The following SLC9C1 variants were observed in gnomAD, a reference collection of about 807,000 sequenced individuals.
SLC9C1 encodes the protein sodium/hydrogen exchanger 10.
A neutral mutation model predicts 140.9 loss-of-function variants in SLC9C1; 97 were observed. The ratio of observed to expected loss-of-function variants is 0.69; its 90% CI spans 0.58 to 0.82. The LOEUF is 0.82. Among genes scored for constraint, SLC9C1 ranks in the 40% least tolerant of loss-of-function variants. The pLI is 0.00. For synonymous variants in SLC9C1, 440 were observed against 442.6 expected (o/e 0.99, Z 0.07); for missense variants, 1,340 against 1,389.3 (o/e 0.96, Z 0.56).
At position 112,239,914 on chromosome 3, in the gene SLC9C1, T is replaced by G. The variant is rs766960199; in HGVS notation, c.1372A>C (p.Lys458Gln). The G allele has an allele frequency of 2.5e-5, 40 of 1,613,920 alleles. No homozygotes were observed. Among genetic ancestry groups the G allele is most frequent in the Non-Finnish European group, 3.2e-5 (38 of 1,179,968 alleles). Residue 458 changes from lysine (K) to glutamine (Q), a missense_variant, in exon 12 of 29, where the codon AAA becomes CAA. By Grantham distance (53) the Lys-to-Gln change is moderately conservative (BLOSUM62 1). Coordinates refer to ENST00000305815, the MANE Select transcript of SLC9C1 (RefSeq NM_183061.3). ...ELTKSAASAL[K>Q]FDKDLANADW... ...GCATTAGCAAGATCTTTGTCAAATT[T>G]AAGGGCAGAGGCTGCAGACTTGGTT...
Position 112,199,338 on chromosome 3 carries a change from C to A in SLC9C1, c.2506G>T (p.Gly836Cys). 1 of 1,576,710 alleles carries A rather than the reference C, an allele frequency of 6.3e-7. No homozygotes were observed. The highest frequency in any genetic ancestry group is 8.6e-7 in the Non-Finnish European group (1 of 1,164,844). The change falls in exon 20 of 29, where the codon GGT becomes TGT. Residue 836 changes from glycine to cysteine, a missense_variant. Coordinates refer to ENST00000305815, the MANE Select transcript of SLC9C1 (RefSeq NM_183061.3). ...TGCCTTACCTTATTAATTCCAGCAC[C>A]TTCAGTTTTACTAATAATTCCTTTT... ...GLKGIISKTE[G>C]AGINKLIMAK...
At chr3:112,249,844 T>C (rs1251707401) in intron 10 of SLC9C1, among the ~76,000 whole-genome samples, 1 of 152,190 alleles carries the variant, frequency 6.6e-6, no homozygotes, top group Non-Finnish European at 1.5e-5. Context: ...TTTATTAGTC[T>C]AGCTAGCAAC....
At chr3:112,234,073 T>C (rs1194740716) in intron 12 of SLC9C1, among the ~76,000 whole-genome samples, 1 of 152,198 alleles carries the variant, frequency 6.6e-6, no homozygotes, top group Admixed American at 6.5e-5. Context: ...TCCACAATGG[T>C]TGAACTAGTT....
chr3:112,190,616 C>G (rs2077638129), intron 20 of SLC9C1, among the ~76,000 whole-genome samples: 1 of 152,068 alleles, frequency 6.6e-6, no homozygotes, highest in Non-Finnish European at 1.5e-5. Flanking sequence ...TTTTATTTCT[C>G]TAGTTTCTAT....
chr3:112,290,374 A>T (rs976520962), intron 1 of SLC9C1, among the ~76,000 whole-genome samples: 4 of 151,812 alleles, frequency 2.6e-5, no homozygotes, highest in Admixed American at 2.6e-4. Flanking sequence ...ATTATAATAA[A>T]TTTTTTTTTC....
chr3:112,293,045 G>T (rs1576549447), intron 1 of SLC9C1, among the ~76,000 whole-genome samples: 5 of 149,652 alleles, frequency 3.3e-5, no homozygotes. Flanking sequence ...TAGGCGGGTG[G>T]ATCACTTGAG....
intron 10 of SLC9C1, among the ~76,000 whole-genome samples, chr3:112,255,648 C>T (rs763621886): frequency 6.6e-6 from 1 of 152,028 alleles, no homozygotes; most frequent in Non-Finnish European, 1.5e-5. Flanking sequence ...AAGTTAACAA[C>T]CTAAAATCAC....
chr3:112,274,337 T>A (rs577994566), intron 6 of SLC9C1, among the ~76,000 whole-genome samples: 1 of 151,996 alleles, frequency 6.6e-6, no homozygotes, highest in African/African-American at 2.4e-5. Flanking sequence ...CACATAAACA[T>A]GATAAAGGGG....
intron 13 of SLC9C1, among the ~76,000 whole-genome samples, chr3:112,225,342 A>G (rs1351914689): frequency 2.6e-5 from 4 of 152,172 alleles, no homozygotes; most frequent in African/African-American, 4.8e-5. Flanking sequence ...AGAATTCACC[A>G]TCACTAGACT....
intron 2 of SLC9C1, among the ~76,000 whole-genome samples, chr3:112,285,915 G>A (rs9851760): frequency 0.69 from 105,217 of 151,898 alleles, 36,866 homozygotes; most frequent in East Asian, 1. Flanking sequence ...ACTGGTGCGT[G>A]CTAACATGTG....
At position 112,274,912 on chromosome 3, in the gene SLC9C1, T is replaced by C; in HGVS notation, c.598A>G (p.Arg200Gly). ...MDFDQRLQSK[R>G]NHTLAEEIVG... ...ATATACTTACCTAAGGTATGGTTTC[T>C]TTTACTTTGTAGTCTTTGGTCAAAA... is the stretch of plus-strand genomic sequence containing the variant. Residue 200 changes from arginine to glycine, a missense_variant, in exon 6 of 29, where the codon AGA becomes GGA. Physicochemically the swap from Arg to Gly is moderately radical, Grantham distance 125 (BLOSUM62 -2). Transcript: ENST00000305815. 6.4e-7 allele frequency: 1 copy of C among 1,557,198 alleles called. No individual in the cohort carries two copies.
chr3:112,270,573 CG>C (rs1320355186), intron 6 of SLC9C1, among the ~76,000 whole-genome samples: 1 of 152,176 alleles, frequency 6.6e-6, no homozygotes, highest in Non-Finnish European at 1.5e-5. Context: ...TACAATCCCT[CG>C]GGAGGCCGAG....
chr3:112,156,054 T>C (rs1423448265), intron 26 of SLC9C1, among the ~76,000 whole-genome samples: 1 of 152,068 alleles, frequency 6.6e-6, no homozygotes, highest in Non-Finnish European at 1.5e-5. Flanking sequence ...AAATATACAA[T>C]ATTTTTTTAA....
chr3:112,252,577 G>T (rs1270248997), intron 10 of SLC9C1, among the ~76,000 whole-genome samples: 1 of 152,094 alleles, frequency 6.6e-6, no homozygotes, highest in Non-Finnish European at 1.5e-5. Flanking sequence ...CTTCTCACTG[G>T]GTGGGATATC....
In SLC9C1 at chr3:112,271,393, G is replaced by GTGTATATATATATA. The variant is rs142798462; in HGVS notation, c.614-1317_614-1316insTATATATATATACA. Among the ~76,000 whole-genome samples, 251 of 125,596 alleles carry GTGTATATATATATA rather than the reference G, an allele frequency of 2.0e-3. 2 individuals are homozygous for GTGTATATATATATA. The highest frequency in any genetic ancestry group is 3.8e-3 in the Non-Finnish European group (218 of 57,882). 82.4% of individuals were successfully genotyped at this position (125,596 alleles called of 152,430 possible). A position where few individuals can be genotyped will look rare whatever the true frequency, so the allele number is the denominator to read the frequency against. ...TAGTTTGATTTAATCATTCTACATT[G>GTGTATATATATATA]TATATATATATATATATCAAAGCCT... On this transcript the variant is annotated intron_variant, in intron 6 of 28. Transcript: ENST00000305815.
At chr3:112,162,327 G>A (rs576757388) in intron 26 of SLC9C1, among the ~76,000 whole-genome samples, 139 of 152,200 alleles carry the variant, frequency 9.1e-4, no homozygotes, top group African/African-American at 3.2e-3. Context: ...AGTGGTGAGA[G>A]AGGGCATCCC....
chr3:112,160,881 C>G (rs550308724), intron 26 of SLC9C1, among the ~76,000 whole-genome samples: 74 of 152,192 alleles, frequency 4.9e-4, no homozygotes, highest in African/African-American at 1.7e-3. Context: ...TTTACAGTCC[C>G]ACCAACAGTG....
chr3:112,248,826 TTAAAG>T (rs1416471813), intron 10 of SLC9C1, among the ~76,000 whole-genome samples: 5 of 152,306 alleles, frequency 3.3e-5, no homozygotes, highest in Middle Eastern at 3.4e-3. Flanking sequence ...CTCTATCCGA[TTAAAG>T]TAGTTTTCTT....
intron 15 of SLC9C1, among the ~76,000 whole-genome samples, chr3:112,214,217 A>C (rs9857842): frequency 0.75 from 114,732 of 151,978 alleles, 43,715 homozygotes; most frequent in East Asian, 0.99. Flanking sequence ...CAGTGTGTAG[A>C]GGGAAATTTG....
Sources: allele counts gnomAD v4.1 joint callset (sites outside exome capture counted in the v4.1 genomes callset), GRCh38; gene constraint gnomAD v4.1.1; transcripts MANE v1.5; gene names NCBI Gene and HGNC (gene_info 2026-07-23, HGNC 2026-07-21).